The following DEAF1 variants were observed in gnomAD, a reference collection of about 807,000 sequenced individuals.
DEAF1 encodes the protein DEAF1 transcription factor.
Under a neutral mutation model 58.9 loss-of-function variants are expected in DEAF1, and 53 were observed. That is an observed-to-expected ratio of 0.90 (90% confidence interval 0.72 to 1.13). The LOEUF is 1.13. Among genes scored for constraint, DEAF1 ranks in the 50% most tolerant of loss-of-function variants. DEAF1 has a pLI of 0.00. For missense variants in DEAF1, 685 were observed against 791.4 expected (o/e 0.87, Z 1.61); for synonymous variants, 385 against 340.4 (o/e 1.13, Z -1.44).
chr11:658,373 G>C (rs1027052562), intron 10 of DEAF1, among the ~76,000 whole-genome samples: 1 of 152,232 alleles, frequency 6.6e-6, no homozygotes, highest in Non-Finnish European at 1.5e-5. Flanking sequence ...AGCTTGCAGT[G>C]AGCCGAGAAC....
At chr11:695,635 T>C (rs764215205), upstream of DEAF1, 171 of 1,244,828 alleles carry the variant, frequency 1.4e-4, no homozygotes, top group Non-Finnish European at 1.6e-4. Context: ...GTTCTCCACC[T>C]CTTCCCTTCC....
chr11:704,524 G>A, intron 1 of DEAF1: 1 of 1,289,456 alleles, frequency 7.8e-7, no homozygotes, highest in Non-Finnish European at 1.0e-6. Context: ...TCCCTCACCA[G>A]CGCCTGCACT....
chr11:679,536 T>C, intron 8 of DEAF1, 152 bp downstream of exon 8: 1 of 1,196,580 alleles, frequency 8.4e-7, no homozygotes, highest in Non-Finnish European at 1.2e-6. Context: ...CCACCTGACG[T>C]GGCTCACACG....
chr11:666,180 C>G (rs1859514194), intron 10 of DEAF1: 1 of 152,264 alleles, frequency 6.6e-6, no homozygotes, highest in South Asian at 2.1e-4. Context: ...AAAAGCCAGA[C>G]AGACCTGCCC....
chr11:687,520 C>T (rs914897489), intron 4 of DEAF1, among the ~76,000 whole-genome samples: 3 of 152,186 alleles, frequency 2.0e-5, no homozygotes, highest in African/African-American at 4.8e-5. Flanking sequence ...GACGGAGTCT[C>T]GCTCTGTCGC....
chr11:653,872 C>T, intron 11 of DEAF1, 90 bp downstream of exon 11: 1 of 1,143,122 alleles, frequency 8.7e-7, no homozygotes, highest in Non-Finnish European at 1.3e-6. Context: ...AGGTGTGGCA[C>T]CAGGAGCACA....
intron 8 of DEAF1, among the ~76,000 whole-genome samples, 169 bp downstream of exon 8, chr11:679,519 G>A (rs1860243623): frequency 6.6e-6 from 1 of 152,190 alleles, no homozygotes; most frequent in African/African-American, 2.4e-5. Flanking sequence ...CATCCACACT[G>A]CACCGCCCAC....
At chr11:659,367 T>C (rs1000765195) in intron 10 of DEAF1, among the ~76,000 whole-genome samples, 5 of 152,156 alleles carry the variant, frequency 3.3e-5, no homozygotes, top group Non-Finnish European at 5.9e-5. Context: ...CACTCCAGCC[T>C]GGGTGACAGA....
chr11:669,712 C>CTGAG (rs2133347532), intron 10 of DEAF1, among the ~76,000 whole-genome samples: 1 of 151,386 alleles, frequency 6.6e-6, no homozygotes, highest in South Asian at 2.1e-4. Flanking sequence ...GGAGGATCAC[C>CTGAG]TGAGGTCAGG....
At position 688,336 on chromosome 11, in the gene DEAF1, G is replaced by A. The variant is rs760044921; in HGVS notation, c.512C>T (p.Thr171Ile). 1 of 1,613,582 alleles carries A rather than the reference G, an allele frequency of 6.2e-7. No homozygotes were observed. Among genetic ancestry groups the A allele is most frequent in the East Asian group, 2.2e-5 (1 of 44,902 alleles). The part of the protein sequence containing the change: ...TGLKGPAAPL[T>I]PGPQSPPTPL... The stretch of plus-strand genomic sequence containing the variant: ...GGGTGCAGGCACCGCTGTACCTGGG[G>A]TGAGGGGAGCTGCCGGGCCTTTCAG... Residue 171 changes from threonine (T) to isoleucine (I), a missense_variant, in exon 3 of 12, where the codon ACC becomes ATC. Thr to Ile is a moderately conservative substitution (Grantham distance 89). This residue lies in a region of DEAF1 where 132 missense variants were observed against 234.3 expected (regional missense o/e 0.56). Coordinates refer to ENST00000382409, the MANE Select transcript of DEAF1 (RefSeq NM_021008.4). The surrounding 1 kb of genome is among the most constrained non-coding windows in gnomAD (Gnocchi z 4.3).
intron 6 of DEAF1, among the ~76,000 whole-genome samples, chr11:684,162 A>C (rs1590012287): frequency 6.9e-6 from 1 of 145,738 alleles, no homozygotes; most frequent in African/African-American, 2.6e-5. Flanking sequence ...TCACGCCTGT[A>C]ATCTCAACAC....
chr11:691,120 G>C (rs931016901), intron 2 of DEAF1, among the ~76,000 whole-genome samples: 2 of 152,228 alleles, frequency 1.3e-5, no homozygotes, highest in African/African-American at 4.8e-5. Flanking sequence ...CAGGATATGG[G>C]GGAGGGAAAC....
chr11:654,147 T>C (rs7106020), intron 10 of DEAF1, 96 bp from the exon 11 acceptor site: 2 of 843,598 alleles, frequency 2.4e-6, no homozygotes, highest in Admixed American at 2.0e-5. Context: ...AGGCCCCAAG[T>C]TCCCCCCATT....
upstream of DEAF1, chr11:695,963 C>A (rs1330160765): frequency 7.3e-6 from 6 of 822,654 alleles, no homozygotes; most frequent in South Asian, 2.5e-4. Flanking sequence ...ACCGTCTCTA[C>A]GTGAGCGAGA....
At chr11:654,672 C>A (rs1221080228) in intron 10 of DEAF1, 1 of 453,532 alleles carries the variant, frequency 2.2e-6, no homozygotes, top group Admixed American at 2.4e-5. Flanking sequence ...GTCAGGAGTT[C>A]AGCACAGGCA....
chr11:676,801 G>T (rs1860099927), intron 9 of DEAF1, among the ~76,000 whole-genome samples: 1 of 152,156 alleles, frequency 6.6e-6, no homozygotes, highest in African/African-American at 2.4e-5. Context: ...ACCACGCCCA[G>T]CGGGGTTTCT....
chr11:688,159 C>T lies in DEAF1; in HGVS notation c.518-102G>A, dbSNP rs1407174000. 2.4e-5 allele frequency: 38 copies of T among 1,563,202 alleles called. 1 individual carries two copies. The highest frequency in any genetic ancestry group is 1.9e-4 in the African/African-American group (14 of 73,804). On this transcript the variant is annotated intron_variant, in intron 3 of 11. Coordinates refer to ENST00000382409, the MANE Select transcript of DEAF1 (RefSeq NM_021008.4). The surrounding 1 kb of genome is among the most constrained non-coding windows in gnomAD (Gnocchi z 4.3). ...TCCCCGGCAGCGCCACCTCCTTCAA[C>T]GGCGGAAAAACTTCTTGGTCAGGAA...
At chr11:654,162 CCCCTTTT>C (rs1417838249) in intron 10 of DEAF1, 111 bp from the exon 11 acceptor site, 78 of 501,790 alleles carry the variant, frequency 1.6e-4, no homozygotes, top group South Asian at 2.6e-4. Context: ...CCCATTGGAC[CCCCTTTT>C]TTTTTTTTTT....
At chr11:678,523 A>C (rs1243011718) in intron 9 of DEAF1, 171 bp downstream of exon 9, 1 of 988,002 alleles carries the variant, frequency 1.0e-6, no homozygotes, top group Non-Finnish European at 1.5e-6. Context: ...TGTCAGTAAA[A>C]CTTTATTTAC....
Sources: allele counts gnomAD v4.1 joint callset (sites outside exome capture counted in the v4.1 genomes callset), GRCh38; gene constraint gnomAD v4.1.1; regional missense constraint gnomAD v4.1.1; non-coding constraint Gnocchi (gnomAD v3.1); transcripts MANE v1.5; gene names NCBI Gene and HGNC (gene_info 2026-07-23, HGNC 2026-07-21).